ARHGAP45: variants seen among roughly 807,000 people sequenced by gnomAD.
ARHGAP45 encodes the protein rho GTPase-activating protein 45.
A neutral mutation model predicts 116.1 loss-of-function variants in ARHGAP45; 56 were observed. The ratio of observed to expected loss-of-function variants is 0.48; its 90% CI spans 0.39 to 0.60. ARHGAP45 has a LOEUF of 0.60. Ranked by LOEUF, ARHGAP45 falls within the 20% of genes least tolerant of loss-of-function variation. The pLI is 0.00. For missense variants in ARHGAP45, 1,622 were observed against 1,601.0 expected, an observed-to-expected ratio of 1.01 and a Z score of -0.22; for synonymous variants, 866 against 701.7, an observed-to-expected ratio of 1.23 and a Z score of -3.70.
chr19:1,079,694 C>T lies in ARHGAP45; in HGVS notation c.1375-9C>T. The T allele has an allele frequency of 6.2e-7, 1 of 1,612,280 alleles. No individual in the cohort carries two copies. Among genetic ancestry groups the T allele is most frequent in the South Asian group, 1.1e-5 (1 of 91,026 alleles). On this transcript the variant is annotated splice_polypyrimidine_tract_variant and intron_variant, in intron 11 of 22. Transcript: ENST00000313093. ...AGGCCTCTCTCTGTGCGCCCCGCCC[C>T]CACCGCAGGCGGAGGAAGCTATGGC...
rs71174343 is a variant in ARHGAP45, at chr19:1,076,483, C to CTTTTTT, written c.1186-1349_1186-1344dup. ...GAAACCTGTGATTGTTGGCAGTAGT[C>CTTTTTT]TTTTTTTTTTTTTTTTTTTTTTTTT... On this transcript the variant is annotated intron_variant, in intron 10 of 22. Transcript: ENST00000313093. 1.4e-4 allele frequency among the ~76,000 whole-genome samples: 9 copies of CTTTTTT among 64,982 alleles called. 1 individual carries two copies. Among genetic ancestry groups the CTTTTTT allele is most frequent in the African/African-American group, 2.9e-4 (5 of 16,966 alleles). The allele number at this position is 64,982 out of a possible 152,430, so 42.6% of individuals were successfully genotyped here. A position where few individuals can be genotyped will look rare whatever the true frequency, so the allele number is the denominator to read the frequency against.
At position 1,080,766 on chromosome 19, in the gene ARHGAP45, G is replaced by A. The variant is rs1319328531; in HGVS notation, c.1997G>A (p.Gly666Glu). ...EELVDPDGGA[G>E]ASAFEQADLN... is the part of the protein sequence containing the mutation. Reference sequence around the variant, plus strand: ...CTGGTGGACCCAGACGGTGGAGCCGGGGCTTCAGCCTTTGAGCAGGGTGAG... The same window carrying A: ...CTGGTGGACCCAGACGGTGGAGCCGAGGCTTCAGCCTTTGAGCAGGGTGAG... Residue 666 changes from glycine (G) to glutamate (E), a missense_variant, in exon 16 of 23, where the codon GGG becomes GAG. By Grantham distance (98) the Gly-to-Glu change is moderately conservative (BLOSUM62 -2). Around this residue, in one of 3 missense-constraint regions of ARHGAP45, gnomAD observed 1,334 missense variants for 1,263.8 expected, o/e 1.06. Coordinates refer to ENST00000313093, the MANE Select transcript of ARHGAP45 (RefSeq NM_012292.5). The A allele has an allele frequency of 6.2e-7, 1 of 1,613,494 alleles. No homozygotes were observed. The highest frequency in any genetic ancestry group is 2.2e-5 in the East Asian group (1 of 44,884).
At position 1,080,308 on chromosome 19, in the gene ARHGAP45, G is replaced by A. The variant is rs2043393059; in HGVS notation, c.1757G>A (p.Arg586Gln). The A allele has an allele frequency of 1.2e-6, 2 of 1,611,846 alleles. No individual in the cohort carries two copies. The highest frequency in any genetic ancestry group is 1.1e-5 in the South Asian group (1 of 91,054). ...KSSFNVSDVA[R>Q]PEAAGSPPEE... The stretch of plus-strand genomic sequence containing the variant: ...AGCTTCAACGTGAGTGATGTGGCGC[G>A]GCCGGAGGCTGCCGGGAGCCCCCCA... The change falls in exon 14 of 23, where the codon CGG becomes CAG. Residue 586 changes from arginine (R) to glutamine (Q), a missense_variant. This residue lies in a region of ARHGAP45 where 1,334 missense variants were observed against 1,263.8 expected (regional missense o/e 1.06). Coordinates refer to ENST00000313093, the MANE Select transcript of ARHGAP45 (RefSeq NM_012292.5).
In ARHGAP45 at chr19:1,067,492, G is replaced by C; in HGVS notation, c.87G>C (p.Ser29=). ...CGGGAAGCCCCAGCCCGCAGCCCTCGGGGGTGAGTGGAGCCCGGGTGAGAC... is the reference window on the plus strand; with the variant it reads ...CGGGAAGCCCCAGCCCGCAGCCCTCCGGGGTGAGTGGAGCCCGGGTGAGAC... The part of the protein sequence containing the change: ...NRAGSPSPQP[S]GELPRKDGAD... Residue 29 remains serine (S), a synonymous_variant, in exon 1 of 23, where the codon TCG becomes TCC. Transcript: ENST00000313093. 1 of 1,597,446 alleles carries C rather than the reference G, an allele frequency of 6.3e-7. No homozygotes were observed. The highest frequency in any genetic ancestry group is 8.5e-7 in the Non-Finnish European group (1 of 1,173,004).
At chr19:1,080,227 C>G (rs774779548) in intron 13 of ARHGAP45, 28 bp from the exon 14 acceptor site, 1 of 1,611,654 alleles carries the variant, frequency 6.2e-7, no homozygotes, top group African/African-American at 1.3e-5. Context: ...CCATCACCTC[C>G]CCTCCTTTTC....
Position 1,067,479 on chromosome 19 carries a change from G to T in ARHGAP45, c.74G>T (p.Ser25Ile). 1 of 1,603,484 alleles carries T rather than the reference G, an allele frequency of 6.2e-7. No homozygotes were observed. The highest frequency in any genetic ancestry group is 1.7e-4 in the Middle Eastern group (1 of 6,026). ...AAAAAGAACCGCGCGGGAAGCCCCA[G>T]CCCGCAGCCCTCGGGGGTGAGTGGA... The part of the protein sequence containing the change: ...ISKKNRAGSP[S>I]PQPSGELPRK... The change falls in exon 1 of 23, where the codon AGC (serine) becomes ATC (isoleucine). Residue 25 changes from serine (S) to isoleucine (I), a missense_variant. Ser to Ile is a moderately radical substitution (Grantham distance 142, BLOSUM62 -2). Coordinates refer to ENST00000313093, the MANE Select transcript of ARHGAP45 (RefSeq NM_012292.5).
Position 1,067,493 on chromosome 19 carries a change from G to C in ARHGAP45, c.88G>C (p.Gly30Arg), listed in dbSNP as rs201890572. 9 of 1,597,880 alleles carry C rather than the reference G, an allele frequency of 5.6e-6. No homozygotes were observed. The highest frequency in any genetic ancestry group is 5.2e-5 in the Admixed American group (3 of 57,618). ...RAGSPSPQPS[G>R]ELPRKDGADA... ...GGGAAGCCCCAGCCCGCAGCCCTCG[G>C]GGGTGAGTGGAGCCCGGGTGAGACC... Residue 30 changes from glycine to arginine, a missense_variant and splice_region_variant, in exon 1 of 23, where the codon GGG becomes CGG. Physicochemically the swap from Gly to Arg is moderately radical, Grantham distance 125. Coordinates refer to ENST00000313093, the MANE Select transcript of ARHGAP45 (RefSeq NM_012292.5).
chr19:1,074,354 G>A lies in ARHGAP45; in HGVS notation c.940G>A (p.Ala314Thr). The change falls in exon 8 of 23, where the codon GCC becomes ACC. Residue 314 changes from alanine (A) to threonine (T), a missense_variant. Physicochemically the swap from Ala to Thr is moderately conservative, Grantham distance 58 (BLOSUM62 0). Around this residue, in one of 3 missense-constraint regions of ARHGAP45, gnomAD observed 1,334 missense variants for 1,263.8 expected, o/e 1.06. Transcript: ENST00000313093. ...EKRTTLEMEF[A>T]KGLQKIAHNC... Reference sequence around the variant, plus strand: ...TCTCCGGCCCGCAGAGATGGAGTTTGCCAAGGGCCTGCAGAAGATCGCTCA... The same window carrying A: ...TCTCCGGCCCGCAGAGATGGAGTTTACCAAGGGCCTGCAGAAGATCGCTCA... 6.2e-7 allele frequency: 1 copy of A among 1,608,718 alleles called. No homozygotes were observed. Among genetic ancestry groups the A allele is most frequent in the Admixed American group, 1.7e-5 (1 of 59,158 alleles).
At chr19:1,079,309 T>A (rs1272105726) in intron 11 of ARHGAP45, among the ~76,000 whole-genome samples, 1 of 151,568 alleles carries the variant, frequency 6.6e-6, no homozygotes, top group Non-Finnish European at 1.5e-5. Flanking sequence ...GAAACCAGCC[T>A]GGGCAACATG....
chr19:1,085,727 G>A lies in ARHGAP45; in HGVS notation c.3132G>A (p.Ser1044=), dbSNP rs147981608. The A allele has an allele frequency of 1.9e-5, 31 of 1,610,814 alleles. No individual in the cohort carries two copies. The highest frequency in any genetic ancestry group is 1.7e-4 in the African/African-American group (13 of 74,922). ...AGGCCTCCGAGCTGCTGTCCTCATCGGAGGCCAGTGCCCTGGGCCACCTCA... is the reference window on the plus strand; with the variant it reads ...AGGCCTCCGAGCTGCTGTCCTCATCAGAGGCCAGTGCCCTGGGCCACCTCA... The part of the protein sequence containing the change: ...LEEASELLSS[S]EASALGHLSF... Residue 1044 remains serine, a synonymous_variant, in exon 23 of 23, where the codon TCG becomes TCA. Transcript: ENST00000313093.
chr19:1,081,094 G>A, intron 17 of ARHGAP45, 30 bp downstream of exon 17: 1 of 1,568,842 alleles, frequency 6.4e-7, no homozygotes, highest in Non-Finnish European at 8.6e-7. Context: ...GGACAGCTGG[G>A]AGCCTTCGGG....
At chr19:1,084,753 A>G (rs529964979) in intron 22 of ARHGAP45, among the ~76,000 whole-genome samples, 2 of 152,268 alleles carry the variant, frequency 1.3e-5, no homozygotes, top group African/African-American at 4.8e-5. Context: ...GCATCTAGTT[A>G]TGGGACACCT....
intron 17 of ARHGAP45, 136 bp downstream of exon 17, chr19:1,081,200 G>A (rs1414630068): frequency 1.9e-6 from 2 of 1,030,012 alleles, no homozygotes; most frequent in South Asian, 1.6e-5. Flanking sequence ...GGAAGCGAAC[G>A]GAGGGGGTGG....
At chr19:1,075,289 C>G (rs1371140874) in intron 10 of ARHGAP45, among the ~76,000 whole-genome samples, 1 of 142,762 alleles carries the variant, frequency 7.0e-6, no homozygotes, top group African/African-American at 2.7e-5. Flanking sequence ...AGGCTGCAGG[C>G]TGGAGTGCCA....
intron 14 of ARHGAP45, 30 bp downstream of exon 14, chr19:1,080,409 C>T (rs1319519353): frequency 1.4e-5 from 22 of 1,609,346 alleles, no homozygotes; most frequent in Non-Finnish European, 1.9e-5. Context: ...CAGGGGCGGA[C>T]GCTGGCTCCC....
At position 1,081,120 on chromosome 19, in the gene ARHGAP45, C is replaced by T. The variant is rs947851164; in HGVS notation, c.2190+56C>T. The T allele has an allele frequency of 1.8e-5, 28 of 1,528,298 alleles. No individual in the cohort carries two copies. The Admixed American group carries it at 4.5e-4, about 25-fold the overall frequency. The allele number at this position is 1,528,298 out of a possible 1,614,324, so 94.7% of individuals were successfully genotyped here. ...AGCCTTCGGGAGCCTTTGGGGTGCC[C>T]AGCACCGCCGGCCTGTGTGCCCTCA... On this transcript the variant is annotated intron_variant, in intron 17 of 22. Coordinates refer to ENST00000313093, the MANE Select transcript of ARHGAP45 (RefSeq NM_012292.5).
chr19:1,085,061 A>AAG (rs1242502594), intron 22 of ARHGAP45, among the ~76,000 whole-genome samples: 3 of 152,140 alleles, frequency 2.0e-5, no homozygotes, highest in Non-Finnish European at 2.9e-5. Flanking sequence ...CAGCCCGGGC[A>AAG]AGAGAGAGAG....
upstream of ARHGAP45, chr19:1,066,573 G>A (rs1241028334): frequency 5.4e-6 from 1 of 184,214 alleles, no homozygotes; most frequent in African/African-American, 2.4e-5. Context: ...GGACCCCTGT[G>A]CAGGCAGCCC....
chr19:1,067,482 C>T lies in ARHGAP45; in HGVS notation c.77C>T (p.Pro26Leu), dbSNP rs764049999. The T allele has an allele frequency of 1.9e-6, 3 of 1,602,406 alleles. No homozygotes were observed. Among genetic ancestry groups the T allele is most frequent in the African/African-American group, 1.3e-5 (1 of 74,606 alleles). ...SKKNRAGSPS[P>L]QPSGELPRKD... ...AAGAACCGCGCGGGAAGCCCCAGCC[C>T]GCAGCCCTCGGGGGTGAGTGGAGCC... is the stretch of plus-strand genomic sequence containing the variant. The change falls in exon 1 of 23, where the codon CCG becomes CTG. Residue 26 changes from proline (P) to leucine (L), a missense_variant. Pro to Leu is a moderately conservative substitution (Grantham distance 98). Transcript: ENST00000313093.
Sources: allele counts gnomAD v4.1 joint callset (sites outside exome capture counted in the v4.1 genomes callset), GRCh38; gene constraint gnomAD v4.1.1; regional missense constraint gnomAD v4.1.1; transcripts MANE v1.5; gene names NCBI Gene and HGNC (gene_info 2026-07-23, HGNC 2026-07-21).